MAP7: variants seen among roughly 807,000 people sequenced by gnomAD.
MAP7 encodes the protein microtubule associated protein 7.
MAP7 carries 52 observed loss-of-function variants against 94.8 expected under a neutral mutation model. The observed-to-expected ratio is 0.55, with a 90% CI of 0.44 to 0.69. The LOEUF is 0.69. Ranked by LOEUF, MAP7 falls within the 30% of genes least tolerant of loss-of-function variation. The pLI is 0.00. For missense variants in MAP7, 940 were observed against 964.6 expected (o/e 0.97, Z 0.34); for synonymous variants, 350 against 357.0 (o/e 0.98, Z 0.22).
intron 2 of MAP7, among the ~76,000 whole-genome samples, chr6:136,418,322 C>T (rs562742593): frequency 2.2e-4 from 33 of 152,260 alleles, no homozygotes; most frequent in African/African-American, 7.9e-4. Context: ...TCAAGTGATT[C>T]TCCTGCCTCA....
In MAP7 at chr6:136,379,076, C is replaced by T. The variant is rs369819887; in HGVS notation, c.638-1208G>A. 1.1e-4 allele frequency among the ~76,000 whole-genome samples: 17 copies of T among 152,216 alleles called. No homozygotes were observed. The East Asian group carries it at 2.9e-3, about 26-fold the overall frequency. ...TGAAAAGGCTGCTTCTGTTCCACTC[C>T]ACAAACAGCAGGTGGCAAAGTCTCC... On this transcript the variant is annotated intron_variant, in intron 6 of 17. Transcript: ENST00000354570.
chr6:136,425,894 G>A (rs373742945), intron 1 of MAP7, among the ~76,000 whole-genome samples: 17 of 152,052 alleles, frequency 1.1e-4, no homozygotes, highest in South Asian at 4.1e-4. Context: ...GCATTTATTC[G>A]AACAGTACAC....
chr6:136,420,383 C>T (rs925429083), intron 2 of MAP7: 8 of 556,920 alleles, frequency 1.4e-5, no homozygotes, highest in East Asian at 1.2e-4. Context: ...AGTGCAGCAC[C>T]AGGAGGCCAG....
chr6:136,504,822 G>A (rs751136090), intron 1 of MAP7, among the ~76,000 whole-genome samples: 15 of 152,182 alleles, frequency 9.9e-5, no homozygotes, highest in Non-Finnish European at 2.1e-4. Context: ...TGGGATTACA[G>A]GCATGTGCCA....
intron 1 of MAP7, among the ~76,000 whole-genome samples, chr6:136,479,000 G>GAAAGA (rs368418791): frequency 0.019 from 2,087 of 111,180 alleles, 53 homozygotes; most frequent in East Asian, 0.13. Flanking sequence ...AAAAAAGAAA[G>GAAAGA]AAAGAAAAGA....
intron 17 of MAP7, 131 bp from the exon 18 acceptor site, chr6:136,344,369 G>A (rs1358878863): frequency 5.4e-6 from 2 of 371,440 alleles, no homozygotes; most frequent in Non-Finnish European, 9.6e-6. Context: ...ATAAGAATAG[G>A]CAATTCTGTT....
chr6:136,389,579 T>A, intron 3 of MAP7, 62 bp from the exon 4 acceptor site: 7 of 1,516,926 alleles, frequency 4.6e-6, no homozygotes, highest in Non-Finnish European at 6.3e-6. Flanking sequence ...GTTGCAAACT[T>A]GAATAGTTAG....
intron 1 of MAP7, among the ~76,000 whole-genome samples, chr6:136,425,165 A>G (rs4895467): frequency 0.88 from 133,959 of 152,292 alleles, 59,122 homozygotes; most frequent in African/African-American, 0.95. Context: ...AGGAGGGCAC[A>G]AGATTTCATC....
chr6:136,386,399 C>A (rs140411960), intron 5 of MAP7, among the ~76,000 whole-genome samples: 32 of 152,174 alleles, frequency 2.1e-4, no homozygotes, highest in Middle Eastern at 3.4e-3. Flanking sequence ...CAACAGCTTG[C>A]GAATGCAACA....
At chr6:136,444,243 A>G (rs553453809) in intron 1 of MAP7, among the ~76,000 whole-genome samples, 4 of 152,282 alleles carry the variant, frequency 2.6e-5, no homozygotes, top group African/African-American at 7.2e-5. Flanking sequence ...TAAAATGCAG[A>G]TTCCTATGCC....
intron 1 of MAP7, among the ~76,000 whole-genome samples, chr6:136,457,159 T>A (rs1803558368): frequency 6.6e-6 from 1 of 150,380 alleles, no homozygotes; most frequent in Non-Finnish European, 1.5e-5. Flanking sequence ...AAGGCTACTA[T>A]GAACAATTAA....
At chr6:136,398,653 G>C (rs1024040139) in intron 3 of MAP7, among the ~76,000 whole-genome samples, 12 of 152,136 alleles carry the variant, frequency 7.9e-5, no homozygotes, top group South Asian at 2.1e-4. Context: ...TTCCTCATTT[G>C]CTCTTGCCAC....
chr6:136,397,916 T>C (rs1301498597), intron 3 of MAP7, among the ~76,000 whole-genome samples: 1 of 152,184 alleles, frequency 6.6e-6, no homozygotes, highest in East Asian at 1.9e-4. Flanking sequence ...TATTAACCTT[T>C]ACTCTTCTGA....
intron 15 of MAP7, among the ~76,000 whole-genome samples, chr6:136,357,210 T>G (rs938147170): frequency 2.6e-5 from 4 of 152,194 alleles, no homozygotes. Flanking sequence ...ACCATAAGTA[T>G]TAAAAATATT....
chr6:136,346,009 T>C lies in MAP7; in HGVS notation c.2086A>G (p.Ile696Val). The C allele has an allele frequency of 6.2e-7, 1 of 1,613,890 alleles. No individual in the cohort carries two copies. Among genetic ancestry groups the C allele is most frequent in the Non-Finnish European group, 8.5e-7 (1 of 1,179,746 alleles). ...SVQNENFEEI[I>V]NLPIGSKPSR... ...GGTTTAGATCCAATGGGTAAGTTTATAATTTCTTCAAAATTTTCATTCTGA... is the reference window on the plus strand; with the variant it reads ...GGTTTAGATCCAATGGGTAAGTTTACAATTTCTTCAAAATTTTCATTCTGA... The change falls in exon 17 of 18, where the codon ATA becomes GTA. Residue 696 changes from isoleucine (I) to valine (V), a missense_variant. By Grantham distance (29) the Ile-to-Val change is conservative (BLOSUM62 3). Transcript: ENST00000354570.
intron 1 of MAP7, among the ~76,000 whole-genome samples, chr6:136,491,087 A>T (rs966338789): frequency 3.3e-5 from 5 of 152,202 alleles, no homozygotes; most frequent in Non-Finnish European, 7.4e-5. Flanking sequence ...TAGAATAATG[A>T]TGCTTCTGAA....
intron 1 of MAP7, among the ~76,000 whole-genome samples, chr6:136,461,626 G>A (rs1006732077): frequency 1.3e-4 from 20 of 152,140 alleles, no homozygotes; most frequent in Non-Finnish European, 2.5e-4. Flanking sequence ...AATGGGTTAC[G>A]ATCCAGAAAT....
At chr6:136,516,945 C>T (rs1240889374) in intron 1 of MAP7, among the ~76,000 whole-genome samples, 3 of 150,612 alleles carry the variant, frequency 2.0e-5, no homozygotes, top group Admixed American at 6.6e-5. Context: ...CACATGCACA[C>T]CCCACATCAG....
intron 1 of MAP7, among the ~76,000 whole-genome samples, chr6:136,462,805 T>C (rs1805668988): frequency 2.0e-5 from 3 of 151,526 alleles, no homozygotes; most frequent in African/African-American, 7.3e-5. Flanking sequence ...CTACTAAAAA[T>C]ACAAAAATTA....
Sources: gnomAD v4.1 joint callset for allele counts (sites outside exome capture counted in the v4.1 genomes callset) on GRCh38, gnomAD v4.1.1 for gene constraint, MANE v1.5 for transcripts, NCBI Gene and HGNC (gene_info 2026-07-23, HGNC 2026-07-21) for gene names.